Variants in SNTG1 observed in about 807,000 individuals in gnomAD.
SNTG1 encodes gamma-1-syntrophin.
A neutral mutation model predicts 74.7 loss-of-function variants in SNTG1; 39 were observed. The observed-to-expected ratio is 0.52, with a 90% CI of 0.40 to 0.68. The LOEUF is 0.68. Ranked by LOEUF, SNTG1 falls within the 30% of genes least tolerant of loss-of-function variation. The pLI is 0.00. For missense variants in SNTG1, 685 were observed against 609.5 expected (o/e 1.12, Z -1.30); for synonymous variants, 254 against 217.1 (o/e 1.17, Z -1.49).
intron 16 of SNTG1, chr8:50,707,821 A>G (rs2095448584): frequency 2.7e-6 from 1 of 365,750 alleles, no homozygotes; most frequent in South Asian, 1.5e-4. Context: ...TAGATGTAAC[A>G]ATACATCATG....
chr8:50,612,079 A>G (rs1310987739), intron 13 of SNTG1, among the ~76,000 whole-genome samples: 4 of 152,222 alleles, frequency 2.6e-5, no homozygotes, highest in Non-Finnish European at 5.9e-5. Flanking sequence ...TTTAAAACAA[A>G]CAAACAAAAA....
intron 2 of SNTG1, among the ~76,000 whole-genome samples, chr8:50,227,746 A>G (rs558600318): frequency 7.2e-6 from 1 of 138,912 alleles, no homozygotes; most frequent in East Asian, 2.0e-4. Context: ...GAACAAGGAT[A>G]AGAAAAAAAA....
At chr8:50,052,006 A>C (rs1387334514) in intron 1 of SNTG1, among the ~76,000 whole-genome samples, 4 of 152,048 alleles carry the variant, frequency 2.6e-5, no homozygotes. Flanking sequence ...CTAAAGAAAC[A>C]ATGCTTTCCT....
intron 9 of SNTG1, among the ~76,000 whole-genome samples, chr8:50,524,130 C>T (rs79603089): frequency 0.097 from 14,662 of 151,890 alleles, 963 homozygotes; most frequent in South Asian, 0.18. Flanking sequence ...CTTTTGTGTA[C>T]CCCTTATAGG....
At chr8:50,520,649 C>T (rs943301461) in intron 9 of SNTG1, among the ~76,000 whole-genome samples, 3 of 152,162 alleles carry the variant, frequency 2.0e-5, no homozygotes, top group East Asian at 1.9e-4. Context: ...GACATCTATG[C>T]AGCCAACAGA....
At chr8:50,031,713 T>C (rs962546383) in intron 1 of SNTG1, among the ~76,000 whole-genome samples, 2 of 152,112 alleles carry the variant, frequency 1.3e-5, no homozygotes, top group Non-Finnish European at 2.9e-5. Flanking sequence ...CTTTATGTAT[T>C]GGTAAATCCT....
chr8:50,452,659 G>A (rs1392144040), intron 8 of SNTG1, among the ~76,000 whole-genome samples: 1 of 152,092 alleles, frequency 6.6e-6, no homozygotes, highest in Non-Finnish European at 1.5e-5. Context: ...AAAGAAATTT[G>A]GGATTGTATT....
chr8:49,910,982 G>C (rs1296898105), upstream of SNTG1: 1 of 152,274 alleles, frequency 6.6e-6, no homozygotes, highest in East Asian at 1.9e-4. Context: ...CAGGAGCTGC[G>C]TTCGCCGGAT....
chr8:50,103,843 G>A (rs2080252681), intron 1 of SNTG1, among the ~76,000 whole-genome samples: 1 of 152,154 alleles, frequency 6.6e-6, no homozygotes, highest in Non-Finnish European at 1.5e-5. Context: ...CTTTGGTTCT[G>A]TTTATATGCT....
At chr8:50,003,104 G>A (rs35609530) in intron 1 of SNTG1, among the ~76,000 whole-genome samples, 16,781 of 152,106 alleles carry the variant, frequency 0.11, 1,114 homozygotes, top group South Asian at 0.21. Context: ...GAGATAATAG[G>A]CAGTCATATC....
chr8:50,572,401 T>C (rs1478220660), intron 12 of SNTG1, among the ~76,000 whole-genome samples: 1 of 152,114 alleles, frequency 6.6e-6, no homozygotes, highest in Non-Finnish European at 1.5e-5. Context: ...GGCTTCTGAT[T>C]CACAGTTGTA....
intron 15 of SNTG1, among the ~76,000 whole-genome samples, chr8:50,696,155 C>T (rs1409470653): frequency 1.3e-5 from 2 of 151,964 alleles, no homozygotes; most frequent in Non-Finnish European, 2.9e-5. Flanking sequence ...TAGTAATAGC[C>T]ATTCTGACTG....
intron 18 of SNTG1, among the ~76,000 whole-genome samples, chr8:50,757,370 G>A (rs916251724): frequency 1.3e-5 from 2 of 151,792 alleles, no homozygotes; most frequent in Admixed American, 6.6e-5. Flanking sequence ...ATTATCAGGT[G>A]TATACATGCT....
chr8:50,793,289 A>G lies in SNTG1; in HGVS notation c.*460A>G, dbSNP rs1461162434. 6.6e-6 allele frequency: 1 copy of G among 152,066 alleles called. No individual in the cohort carries two copies. The highest frequency in any genetic ancestry group is 2.4e-5 in the African/African-American group (1 of 41,418). 9.4% of individuals were successfully genotyped at this position (152,066 alleles called of 1,614,324 possible). On this transcript the variant is annotated 3_prime_UTR_variant, in exon 19 of 19. Coordinates refer to ENST00000642720, the MANE Select transcript of SNTG1 (RefSeq NM_018967.5). ...GGACATAAAAGAGTTAAAAACCATA[A>G]ATCAGCAAGGAGCATGCAAAAAAAT...
At chr8:49,951,873 C>CAAAAAAAAAAAAAAAAAAAAAAAAAAAA (rs5891338) in intron 1 of SNTG1, among the ~76,000 whole-genome samples, 30 of 56,298 alleles carry the variant, frequency 5.3e-4, no homozygotes, top group Middle Eastern at 0.025. Context: ...GGAAAATTCA[C>CAAAAAAAAAAAAAAAAAAAAAAAAAAAA]AAAAAAAAAA....
chr8:50,671,864 A>G (rs1269309148), intron 15 of SNTG1, among the ~76,000 whole-genome samples: 4 of 151,922 alleles, frequency 2.6e-5, no homozygotes, highest in Non-Finnish European at 5.9e-5. Flanking sequence ...TTATGCAGCC[A>G]TAAAAAATGA....
intron 11 of SNTG1, among the ~76,000 whole-genome samples, chr8:50,544,748 A>G (rs956743558): frequency 6.6e-6 from 1 of 152,092 alleles, no homozygotes; most frequent in South Asian, 2.1e-4. Flanking sequence ...AGAGATTCAC[A>G]TTCAAGAGCT....
chr8:50,629,411 C>T (rs1422233346), intron 13 of SNTG1, among the ~76,000 whole-genome samples: 1 of 151,964 alleles, frequency 6.6e-6, no homozygotes, highest in Admixed American at 6.6e-5. Flanking sequence ...TTTTTCCACT[C>T]AAATCTATAG....
At chr8:50,366,722 TGC>T (rs1313925438) in intron 2 of SNTG1, among the ~76,000 whole-genome samples, 3 of 146,706 alleles carry the variant, frequency 2.0e-5, no homozygotes, top group Non-Finnish European at 4.5e-5. Context: ...ACTTACTATT[TGC>T]ATATATATGT....
Sources: gnomAD v4.1 joint callset for allele counts (sites outside exome capture counted in the v4.1 genomes callset) on GRCh38, gnomAD v4.1.1 for gene constraint, MANE v1.5 for transcripts, NCBI Gene and HGNC (gene_info 2026-07-23, HGNC 2026-07-21) for gene names.